The following TBCK variants were observed in gnomAD, a reference collection of about 807,000 sequenced individuals.
TBCK encodes the protein TBC1 domain containing kinase, also known as TBC domain-containing protein kinase-like protein.
A neutral mutation model predicts 113.4 loss-of-function variants in TBCK; 99 were observed. That is an observed-to-expected ratio of 0.87 (90% CI 0.74 to 1.03). The LOEUF (loss-of-function observed/expected upper bound fraction) is 1.03, where lower values mean the gene tolerates loss of function less well. TBCK is among the 50% of genes least tolerant of loss of function. The pLI, the probability that TBCK is intolerant of heterozygous loss-of-function variation, is 0.00. For missense variants in TBCK, 1,045 were observed against 1,061.3 expected (o/e 0.98, Z 0.21); for synonymous variants, 369 against 370.8 (o/e 1.00, Z 0.05).
chr4:106,292,372 T>G (rs930113445), intron 3 of TBCK, among the ~76,000 whole-genome samples: 1 of 151,902 alleles, frequency 6.6e-6, no homozygotes, highest in Non-Finnish European at 1.5e-5. Context: ...GAGATCGAGA[T>G]CATCCTGGCT....
Position 106,203,280 on chromosome 4 carries a change from TCA to T in TBCK, c.1861-8528_1861-8527del, listed in dbSNP as rs1486896437. Among the ~76,000 whole-genome samples, 4 of 36,364 alleles carry T rather than the reference TCA, an allele frequency of 1.1e-4. No individual in the cohort carries two copies. In the South Asian group the frequency reaches 2.4e-3, roughly 22 times the overall value. 23.9% of individuals were successfully genotyped at this position (36,364 alleles called of 152,430 possible). On this transcript the variant is annotated intron_variant, in intron 20 of 25. Transcript: ENST00000394708. Reference sequence around the variant, plus strand: ...AAAGGACATATACACATATATATTTTCACATATATATATATATATATATACTT... The same window carrying T: ...AAAGGACATATACACATATATATTTTCATATATATATATATATATATACTT...
chr4:106,213,996 T>C (rs1579264321), intron 19 of TBCK, among the ~76,000 whole-genome samples: 2 of 152,228 alleles, frequency 1.3e-5, no homozygotes, highest in Middle Eastern at 6.8e-3. Context: ...GAGCAGTGGT[T>C]CTCCCAGCAT....
At position 106,067,706 on chromosome 4, in the gene TBCK, C is replaced by T. The variant is rs1487440507; in HGVS notation, c.2572-21026G>A. ...TGTAAGGGTCCAATTTCATTTTTTGCGTGTGGATATTCAGTTTTCCCAGCA... is the reference window on the plus strand; with the variant it reads ...TGTAAGGGTCCAATTTCATTTTTTGTGTGTGGATATTCAGTTTTCCCAGCA... On this transcript the variant is annotated intron_variant, in intron 25 of 25. Transcript: ENST00000394708. Among the ~76,000 whole-genome samples the T allele has an allele frequency of 5.9e-5, 9 of 152,168 alleles. No homozygotes were observed. In the South Asian group the frequency reaches 1.5e-3, roughly 25 times the overall value.
At chr4:106,316,371 G>GA (rs1488417649), upstream of TBCK, 4 of 628,580 alleles carry the variant, frequency 6.4e-6, no homozygotes, top group Non-Finnish European at 1.1e-5. Flanking sequence ...GGGGTCGATT[G>GA]AAAATACTGG....
chr4:106,244,836 A>G (rs1183056750), intron 10 of TBCK, 72 bp from the exon 11 acceptor site: 19 of 880,468 alleles, frequency 2.2e-5, no homozygotes, highest in Non-Finnish European at 3.0e-5. Context: ...AGGCAGTAAT[A>G]GCTGCCATTC....
intron 20 of TBCK, among the ~76,000 whole-genome samples, chr4:106,210,653 C>T (rs529148684): frequency 6.6e-6 from 1 of 152,094 alleles, no homozygotes; most frequent in African/African-American, 2.4e-5. Flanking sequence ...TTATTATTAG[C>T]CCTTCCCAAA....
At chr4:106,118,662 G>C (rs1329740363) in intron 23 of TBCK, among the ~76,000 whole-genome samples, 1 of 152,148 alleles carries the variant, frequency 6.6e-6, no homozygotes, top group Non-Finnish European at 1.5e-5. Context: ...TCCACTTTTA[G>C]TCATTTTGTG....
chr4:106,228,196 G>T (rs1758445344), intron 19 of TBCK, among the ~76,000 whole-genome samples: 1 of 151,794 alleles, frequency 6.6e-6, no homozygotes, highest in African/African-American at 2.4e-5. Context: ...GGAAAATGAG[G>T]TATCCATCAC....
intron 19 of TBCK, among the ~76,000 whole-genome samples, chr4:106,222,402 T>C (rs1043036345): frequency 6.6e-6 from 1 of 152,144 alleles, no homozygotes; most frequent in Non-Finnish European, 1.5e-5. Flanking sequence ...TGTTTATAAA[T>C]AAGCCATCTG....
At position 106,301,415 on chromosome 4, in the gene TBCK, AG is replaced by A. The variant is rs531786725; in HGVS notation, c.194-6250del. Among the ~76,000 whole-genome samples, 558 of 152,282 alleles carry A rather than the reference AG, an allele frequency of 3.7e-3. 3 individuals are homozygous for A. Among genetic ancestry groups the A allele is most frequent in the African/African-American group, 0.013 (530 of 41,576 alleles). On this transcript the variant is annotated intron_variant, in intron 2 of 25. Coordinates refer to ENST00000394708, the MANE Select transcript of TBCK (RefSeq NM_001163435.3). ...CCATCTTCACTCTGCTTCTAAACAC[AG>A]CTGAGATTTCAAGCTCACAAGAAAA...
upstream of TBCK, chr4:106,316,627 G>A (rs974822895): frequency 7.1e-6 from 11 of 1,548,818 alleles, no homozygotes; most frequent in Admixed American, 7.9e-5. Flanking sequence ...ACTCACTCGG[G>A]GATCGCCGAT....
Position 106,152,982 on chromosome 4 carries a change from A to C in TBCK, c.2235+18113T>G, listed in dbSNP as rs1014939475. Reference sequence around the variant, plus strand: ...CGTTTTTTGGTTAGTCTGGCTAAACATTTGTTAATTTTGTTTAACTTTTCA... The same window carrying C: ...CGTTTTTTGGTTAGTCTGGCTAAACCTTTGTTAATTTTGTTTAACTTTTCA... On this transcript the variant is annotated intron_variant, in intron 23 of 25. Coordinates refer to ENST00000394708, the MANE Select transcript of TBCK (RefSeq NM_001163435.3). Among the ~76,000 whole-genome samples the C allele has an allele frequency of 1.1e-4, 17 of 152,020 alleles. No individual in the cohort carries two copies. In the East Asian group the frequency reaches 2.1e-3, roughly 19 times the overall value.
intron 25 of TBCK, among the ~76,000 whole-genome samples, chr4:106,055,721 T>C (rs1005761115): frequency 6.6e-6 from 1 of 151,640 alleles, no homozygotes; most frequent in Non-Finnish European, 1.5e-5. Context: ...TTTAAGCTAA[T>C]TTATAATGGA....
At chr4:106,304,324 G>C (rs1422632651) in intron 2 of TBCK, among the ~76,000 whole-genome samples, 1 of 152,056 alleles carries the variant, frequency 6.6e-6, no homozygotes, top group Non-Finnish European at 1.5e-5. Flanking sequence ...ACACCAAAAA[G>C]AACAATAAAG....
At chr4:106,128,953 T>C (rs550972536) in intron 23 of TBCK, among the ~76,000 whole-genome samples, 2 of 152,278 alleles carry the variant, frequency 1.3e-5, no homozygotes, top group African/African-American at 2.4e-5. Context: ...CAAATACATA[T>C]AAATATTTGG....
intron 23 of TBCK, among the ~76,000 whole-genome samples, chr4:106,145,033 A>G (rs1747609560): frequency 6.8e-6 from 1 of 147,682 alleles, no homozygotes; most frequent in African/African-American, 2.5e-5. Context: ...AAAAAAAAAA[A>G]AAAAGGCCAG....
At chr4:106,232,904 ACT>A (rs1759025093) in intron 17 of TBCK, 32 bp downstream of exon 17, 2 of 1,572,608 alleles carry the variant, frequency 1.3e-6, no homozygotes, top group Non-Finnish European at 1.7e-6. Context: ...ATTTTCTAAT[ACT>A]CCAGAGGAGT....
At chr4:106,187,997 G>A (rs1050772819) in intron 22 of TBCK, among the ~76,000 whole-genome samples, 2 of 152,142 alleles carry the variant, frequency 1.3e-5, no homozygotes, top group Admixed American at 6.6e-5. Flanking sequence ...CTTGTGAAAA[G>A]AGACAGTTTG....
At position 106,295,085 on chromosome 4, in the gene TBCK, A is replaced by G. The variant is rs889223846; in HGVS notation, c.266+9T>C. 9.3e-6 allele frequency: 15 copies of G among 1,608,738 alleles called. No individual in the cohort carries two copies. Among genetic ancestry groups the G allele is most frequent in the Non-Finnish European group, 1.3e-5 (15 of 1,176,588 alleles). Reference sequence around the variant, plus strand: ...CTTTTCATTTAATTGTTCTGATACTATACAGTACCTCACAGGTTTCCTTTC... The same window carrying G: ...CTTTTCATTTAATTGTTCTGATACTGTACAGTACCTCACAGGTTTCCTTTC... On this transcript the variant is annotated intron_variant, in intron 3 of 25. Transcript: ENST00000394708.
Sources: gnomAD v4.1 joint callset for allele counts (sites outside exome capture counted in the v4.1 genomes callset) on GRCh38, gnomAD v4.1.1 for gene constraint, MANE v1.5 for transcripts, NCBI Gene and HGNC (gene_info 2026-07-23, HGNC 2026-07-21) for gene names.